The following CLEC9A variants were observed in gnomAD, a reference collection of about 807,000 sequenced individuals.
CLEC9A encodes C-type lectin domain containing 9A, also known as C-type lectin domain family 9 member A.
In CLEC9A, 24 loss-of-function variants were observed where a neutral mutation model predicts 30.0. That is an observed-to-expected ratio of 0.80 (90% confidence interval 0.58 to 1.13). CLEC9A has a LOEUF of 1.13. CLEC9A is among the 50% of genes most tolerant of loss of function. CLEC9A has a pLI of 0.00. For missense variants in CLEC9A, 251 were observed against 280.9 expected (o/e 0.89, Z 0.76); for synonymous variants, 111 against 96.8 (o/e 1.15, Z -0.86).
intron 1 of CLEC9A, among the ~76,000 whole-genome samples, chr12:10,035,694 C>T (rs946400566): frequency 1.3e-5 from 2 of 152,170 alleles, no homozygotes; most frequent in African/African-American, 4.8e-5. Flanking sequence ...CAGCTCATTG[C>T]AACCTCTGCC....
chr12:10,051,062 G>T (rs893284067), intron 2 of CLEC9A, among the ~76,000 whole-genome samples: 1 of 151,904 alleles, frequency 6.6e-6, no homozygotes, highest in African/African-American at 2.4e-5. Flanking sequence ...AAAATTAGCC[G>T]GGCGTGGTGG....
chr12:10,060,834 A>G, intron 5 of CLEC9A: 1 of 264,214 alleles, frequency 3.8e-6, no homozygotes, highest in Non-Finnish European at 7.1e-6. Flanking sequence ...TTTTTGTTTT[A>G]TCTTATGTGT....
intron 2 of CLEC9A, among the ~76,000 whole-genome samples, chr12:10,042,224 T>C (rs906720300): frequency 6.6e-6 from 1 of 152,220 alleles, no homozygotes; most frequent in Non-Finnish European, 1.5e-5. Flanking sequence ...TAGGGAAGTA[T>C]ATAATGTTGA....
intron 2 of CLEC9A, among the ~76,000 whole-genome samples, chr12:10,043,630 G>GTA (rs1865817413): frequency 1.3e-5 from 2 of 150,734 alleles, no homozygotes; most frequent in African/African-American, 2.4e-5. Context: ...GTGTGTGTGT[G>GTA]TGTGTGTCTT....
chr12:10,054,395 A>C (rs367870096), intron 5 of CLEC9A, 44 bp downstream of exon 5: 4 of 1,207,870 alleles, frequency 3.3e-6, no homozygotes, highest in Non-Finnish European at 4.8e-6. Context: ...ATCGTTATAT[A>C]TAAAACTTCA....
At chr12:10,045,548 G>T in intron 2 of CLEC9A, 1 of 280,704 alleles carries the variant, frequency 3.6e-6, no homozygotes, top group South Asian at 4.2e-5. Flanking sequence ...ATCAGAAAAG[G>T]CACTCTACCT....
In CLEC9A at chr12:10,064,367, G is replaced by A. The variant is rs372147062; in HGVS notation, c.472-365G>A. ...TCATGAACTATTTTTCTACATCGACGTATACTGAGAAAGACTATTCTATGT... is the reference window on the plus strand; with the variant it reads ...TCATGAACTATTTTTCTACATCGACATATACTGAGAAAGACTATTCTATGT... On this transcript the variant is annotated intron_variant, in intron 7 of 8. Transcript: ENST00000355819. 5.3e-5 allele frequency among the ~76,000 whole-genome samples: 8 copies of A among 152,210 alleles called. No homozygotes were observed. The South Asian group carries it at 1.5e-3, about 28-fold the overall frequency.
chr12:10,058,236 T>C (rs1865960380), intron 5 of CLEC9A, among the ~76,000 whole-genome samples: 2 of 152,216 alleles, frequency 1.3e-5, no homozygotes, highest in African/African-American at 4.8e-5. Context: ...AAATATAAAA[T>C]TTTAGAATTA....
At chr12:10,057,174 A>G (rs1033435295) in intron 5 of CLEC9A, among the ~76,000 whole-genome samples, 1 of 152,234 alleles carries the variant, frequency 6.6e-6, no homozygotes, top group Admixed American at 6.5e-5. Context: ...CCAGCTAGTT[A>G]CAGATTATGT....
At chr12:10,061,843 G>A (rs1053538570) in intron 6 of CLEC9A, among the ~76,000 whole-genome samples, 1 of 152,140 alleles carries the variant, frequency 6.6e-6, no homozygotes, top group Non-Finnish European at 1.5e-5. Context: ...AGTTTGCCAT[G>A]TATTCTATGC....
At chr12:10,033,160 C>T (rs556096299) in intron 1 of CLEC9A, among the ~76,000 whole-genome samples, 1 of 151,998 alleles carries the variant, frequency 6.6e-6, no homozygotes, top group African/African-American at 2.4e-5. Context: ...CCTAGGACAC[C>T]GTTCTCTTCA....
At chr12:10,063,697 A>G (rs557759275) in intron 7 of CLEC9A, among the ~76,000 whole-genome samples, 27 of 152,240 alleles carry the variant, frequency 1.8e-4, no homozygotes, top group Admixed American at 6.5e-4. Context: ...TTTAATTAGC[A>G]TAAAACCTAG....
chr12:10,046,172 T>G (rs1865844244), intron 2 of CLEC9A, among the ~76,000 whole-genome samples: 1 of 152,248 alleles, frequency 6.6e-6, no homozygotes, highest in Admixed American at 6.5e-5. Flanking sequence ...ATCCTCCATT[T>G]ATACCTCACA....
In CLEC9A at chr12:10,031,236, C is replaced by G. The variant is rs185776463; in HGVS notation, c.-318+264C>G. Among the ~76,000 whole-genome samples the G allele has an allele frequency of 2.6e-5, 4 of 152,268 alleles. No individual in the cohort carries two copies. The East Asian group carries it at 7.7e-4, about 29-fold the overall frequency. On this transcript the variant is annotated intron_variant, in intron 1 of 8. Transcript: ENST00000355819. Reference sequence around the variant, plus strand: ...ATGCAAGTGGAGGGGAAGGCTGGAGCCGCTGGTGGAAAGACGTTAAGTGTA... The same window carrying G: ...ATGCAAGTGGAGGGGAAGGCTGGAGGCGCTGGTGGAAAGACGTTAAGTGTA...
chr12:10,036,868 G>T (rs181580607), intron 1 of CLEC9A, among the ~76,000 whole-genome samples: 265 of 152,232 alleles, frequency 1.7e-3, no homozygotes, highest in Non-Finnish European at 3.0e-3. Flanking sequence ...TCAAAATCAG[G>T]ATGATAATGC....
chr12:10,054,151 C>A, intron 4 of CLEC9A, 120 bp from the exon 5 acceptor site: 1 of 790,202 alleles, frequency 1.3e-6, no homozygotes. Context: ...CAGGCCCCAA[C>A]AACTCTCAGT....
intron 1 of CLEC9A, among the ~76,000 whole-genome samples, chr12:10,033,089 CAA>C (rs879269046): frequency 7.1e-6 from 1 of 140,274 alleles, no homozygotes; most frequent in African/African-American, 2.6e-5. Context: ...GATAAGCATT[CAA>C]AAAAAAAAAA....
In CLEC9A at chr12:10,065,902, T is replaced by G; in HGVS notation, c.*270T>G. 3.4e-6 allele frequency: 1 copy of G among 296,940 alleles called. No homozygotes were observed. Among genetic ancestry groups the G allele is most frequent in the Non-Finnish European group, 6.2e-6 (1 of 160,476 alleles). The allele number at this position is 296,940 out of a possible 1,614,324, so 18.4% of individuals were successfully genotyped here. ...AAGAACAAACGCAAGGAAATAATTT[T>G]TATTGTTTAAAGCCCGGAATGACTG... On this transcript the variant is annotated 3_prime_UTR_variant, in exon 9 of 9. Transcript: ENST00000355819.
chr12:10,056,835 T>C (rs892691433), intron 5 of CLEC9A, among the ~76,000 whole-genome samples: 2 of 152,300 alleles, frequency 1.3e-5, no homozygotes, highest in Non-Finnish European at 2.9e-5. Context: ...GAAAACCATG[T>C]GCCTAAGACT....
Sources: gnomAD v4.1 joint callset for allele counts (sites outside exome capture counted in the v4.1 genomes callset) on GRCh38, gnomAD v4.1.1 for gene constraint, MANE v1.5 for transcripts, NCBI Gene and HGNC (gene_info 2026-07-23, HGNC 2026-07-21) for gene names.